The following CMTM6 variants were observed in gnomAD, a reference collection of about 807,000 sequenced individuals.
CMTM6 encodes the protein CKLF like MARVEL transmembrane domain containing 6, also known as CKLF-like MARVEL transmembrane domain-containing protein 6.
A neutral mutation model predicts 13.6 loss-of-function variants in CMTM6; 5 were observed. That is an observed-to-expected ratio of 0.37 (90% CI 0.19 to 0.77). The LOEUF is 0.77. CMTM6 is among the 30% of genes least tolerant of loss of function. The pLI is 0.50. For missense variants in CMTM6, 196 were observed against 218.6 expected (o/e 0.90, Z 0.65); for synonymous variants, 99 against 84.5 (o/e 1.17, Z -0.94).
chr3:32,485,982 A>G (rs1358688817), intron 3 of CMTM6, among the ~76,000 whole-genome samples: 1 of 152,106 alleles, frequency 6.6e-6, no homozygotes, highest in Admixed American at 6.5e-5. Context: ...GGTTCAAGCG[A>G]TTTTCCTGCC....
chr3:32,501,066 G>A (rs1241417186), intron 1 of CMTM6, among the ~76,000 whole-genome samples: 1 of 151,570 alleles, frequency 6.6e-6, no homozygotes, highest in African/African-American at 2.4e-5. Context: ...CGGGCATGGA[G>A]GTGCGTGCCT....
At position 32,502,810 on chromosome 3, in the gene CMTM6, T is replaced by A. The variant is rs1697360119; in HGVS notation, c.-65A>T. 2.9e-6 allele frequency: 4 copies of A among 1,359,718 alleles called. No individual in the cohort carries two copies. Among genetic ancestry groups the A allele is most frequent in the Admixed American group, 3.6e-5 (1 of 27,752 alleles). 84.2% of individuals were successfully genotyped at this position (1,359,718 alleles called of 1,614,324 possible). A position where few individuals can be genotyped will look rare whatever the true frequency, so the allele number is the denominator to read the frequency against. On this transcript the variant is annotated 5_prime_UTR_variant, in exon 1 of 4. Coordinates refer to ENST00000205636, the MANE Select transcript of CMTM6 (RefSeq NM_017801.3). ...CCGTTGACTTCTCGGACTCCAGAAG[T>A]CCCCGGTAGCCGGGAGGCGGCCGTC... is the stretch of plus-strand genomic sequence containing the variant.
At position 32,483,117 on chromosome 3, in the gene CMTM6, G is replaced by GGTAA; in HGVS notation, c.*839_*842dup. Reference sequence around the variant, plus strand: ...TATGAACTCATCTCTTCAGATACTTGGTAAGTGGTCAAAGCTTGTTTTTAT... The same window carrying GGTAA: ...TATGAACTCATCTCTTCAGATACTTGGTAAGTAAGTGGTCAAAGCTTGTTTTTAT... On this transcript the variant is annotated 3_prime_UTR_variant, in exon 4 of 4. Coordinates refer to ENST00000205636, the MANE Select transcript of CMTM6 (RefSeq NM_017801.3). The GGTAA allele has an allele frequency of 6.6e-6, 1 of 152,572 alleles. No individual in the cohort carries two copies. Among genetic ancestry groups the GGTAA allele is most frequent in the East Asian group, 1.9e-4 (1 of 5,204 alleles). 9.5% of individuals were successfully genotyped at this position (152,572 alleles called of 1,614,324 possible).
intron 1 of CMTM6, among the ~76,000 whole-genome samples, chr3:32,497,027 G>C (rs1029989028): frequency 6.6e-6 from 1 of 152,138 alleles, no homozygotes; most frequent in African/African-American, 2.4e-5. Flanking sequence ...ACAGTTCCGA[G>C]TGTAGGAGGG....
chr3:32,502,469 T>G (rs1697353752), intron 1 of CMTM6, 139 bp downstream of exon 1: 3 of 1,091,380 alleles, frequency 2.7e-6, no homozygotes, highest in Non-Finnish European at 3.8e-6. Flanking sequence ...TTCCCCAGGC[T>G]GAGAGGGAAG....
intron 2 of CMTM6, among the ~76,000 whole-genome samples, chr3:32,490,091 C>T (rs1307119428): frequency 6.6e-6 from 1 of 152,024 alleles, no homozygotes; most frequent in Non-Finnish European, 1.5e-5. Context: ...ACTAAAAGTA[C>T]AAAAATTTGC....
Position 32,481,517 on chromosome 3 carries a change from G to A in CMTM6, c.*2443C>T, listed in dbSNP as rs1697153215. ...TGAGTTCATTTCTCTTATAATTCTTGAGAACCATTCTAAGCAATCTATTTG... is the reference window on the plus strand; with the variant it reads ...TGAGTTCATTTCTCTTATAATTCTTAAGAACCATTCTAAGCAATCTATTTG... On this transcript the variant is annotated 3_prime_UTR_variant, in exon 4 of 4. Coordinates refer to ENST00000205636, the MANE Select transcript of CMTM6 (RefSeq NM_017801.3). 6.6e-6 allele frequency: 1 copy of A among 152,038 alleles called. No individual in the cohort carries two copies. Among genetic ancestry groups the A allele is most frequent in the Non-Finnish European group, 1.5e-5 (1 of 68,008 alleles). The allele number at this position is 152,038 out of a possible 1,614,324, so 9.4% of individuals were successfully genotyped here. A position where few individuals can be genotyped will look rare whatever the true frequency, so the allele number is the denominator to read the frequency against.
rs775655055 is a variant in CMTM6, at chr3:32,502,679, T to C, written c.67A>G (p.Ser23Gly). Reference protein sequence around the residue: ...EDPGPARGPRSGLAAYFFMGR... With the variant: ...EDPGPARGPRGGLAAYFFMGR... ...ATGAAAAAGTAGGCAGCGAGGCCGC[T>C]CCGGGGGCCTCTGGCGGGGCCCGGG... Residue 23 changes from serine to glycine, a missense_variant, in exon 1 of 4, where the codon AGC (serine) becomes GGC (glycine). By Grantham distance (56) the Ser-to-Gly change is moderately conservative. Around this residue, in one of 2 missense-constraint regions of CMTM6, gnomAD observed 85 missense variants for 58.7 expected, o/e 1.45. Transcript: ENST00000205636. The C allele has an allele frequency of 1.3e-6, 2 of 1,588,502 alleles. No individual in the cohort carries two copies. Among genetic ancestry groups the C allele is most frequent in the Non-Finnish European group, 1.7e-6 (2 of 1,169,566 alleles).
At chr3:32,493,876 G>T (rs978125406) in intron 1 of CMTM6, among the ~76,000 whole-genome samples, 13 of 152,194 alleles carry the variant, frequency 8.5e-5, no homozygotes, top group African/African-American at 3.1e-4. Context: ...AGCAAGAAAA[G>T]TTCCAGGGTA....
rs567481472 is a variant in CMTM6 at position 32,492,438 on chromosome 3, T to C, written c.139-552A>G. Among the ~76,000 whole-genome samples, 9 of 152,276 alleles carry C rather than the reference T, an allele frequency of 5.9e-5. No homozygotes were observed. The East Asian group carries it at 1.7e-3, about 29-fold the overall frequency. ...CAGCACAAAAATTAGTATATGAGGC[T>C]AGAGAGGTAAGCTGAGGCCAGATCT... is the stretch of plus-strand genomic sequence containing the variant. On this transcript the variant is annotated intron_variant, in intron 1 of 3. Coordinates refer to ENST00000205636, the MANE Select transcript of CMTM6 (RefSeq NM_017801.3).
intron 1 of CMTM6, among the ~76,000 whole-genome samples, chr3:32,501,780 C>G (rs1697347537): frequency 6.6e-6 from 1 of 152,168 alleles, no homozygotes; most frequent in Non-Finnish European, 1.5e-5. Flanking sequence ...GGTTCTATTG[C>G]AGAAATAGAA....
At position 32,496,231 on chromosome 3, in the gene CMTM6, C is replaced by T. The variant is rs116959851; in HGVS notation, c.139-4345G>A. Among the ~76,000 whole-genome samples, 323 of 149,586 alleles carry T rather than the reference C, an allele frequency of 2.2e-3. 4 individuals carry two copies. Among genetic ancestry groups the T allele is most frequent in the East Asian group, 0.013 (65 of 5,072 alleles). Reference sequence around the variant, plus strand: ...AAAAAAAAAAAAGTGTGGACATTTACTAGCTCCCATCTCAAGTTAAAGGCC... The same window carrying T: ...AAAAAAAAAAAAGTGTGGACATTTATTAGCTCCCATCTCAAGTTAAAGGCC... On this transcript the variant is annotated intron_variant, in intron 1 of 3. Coordinates refer to ENST00000205636, the MANE Select transcript of CMTM6 (RefSeq NM_017801.3).
chr3:32,484,178 C>T, intron 3 of CMTM6, 81 bp from the exon 4 acceptor site: 1 of 1,216,988 alleles, frequency 8.2e-7, no homozygotes, highest in Non-Finnish European at 1.1e-6. Flanking sequence ...GAGAATGTTT[C>T]ATATAAACAA....
At chr3:32,495,836 G>A (rs949285666) in intron 1 of CMTM6, among the ~76,000 whole-genome samples, 1 of 152,166 alleles carries the variant, frequency 6.6e-6, no homozygotes, top group East Asian at 1.9e-4. Flanking sequence ...TTGCCTCAGA[G>A]CAATAGCAGG....
chr3:32,484,028 C>T lies in CMTM6; in HGVS notation c.484G>A (p.Glu162Lys). The T allele has an allele frequency of 6.2e-7, 1 of 1,611,650 alleles. No homozygotes were observed. The change falls in exon 4 of 4, where the codon GAG becomes AAG. Residue 162 changes from glutamate (E) to lysine (K), a missense_variant. Around this residue, in one of 2 missense-constraint regions of CMTM6, gnomAD observed 111 missense variants for 160.0 expected, o/e 0.69. Transcript: ENST00000205636. ...TTTTCAGGTTTTCTCAGCTGGGACT[C>T]CTGTCGTTTTTCATACAGCATAGTG... ...FITMLYEKRQ[E>K]SQLRKPENTT...
At chr3:32,497,382 CAA>C (rs144445988) in intron 1 of CMTM6, among the ~76,000 whole-genome samples, 7 of 53,608 alleles carry the variant, frequency 1.3e-4, no homozygotes, top group Non-Finnish European at 1.5e-4. Context: ...GACTCTGTCT[CAA>C]AAAAAAAAAA....
At chr3:32,492,244 A>T (rs1187601453) in intron 1 of CMTM6, among the ~76,000 whole-genome samples, 5 of 152,196 alleles carry the variant, frequency 3.3e-5, no homozygotes, top group African/African-American at 1.2e-4. Flanking sequence ...AAGATTAAGG[A>T]AAGAAATTCC....
intron 1 of CMTM6, among the ~76,000 whole-genome samples, chr3:32,498,340 A>G (rs1697314132): frequency 6.6e-6 from 1 of 152,180 alleles, no homozygotes; most frequent in African/African-American, 2.4e-5. Flanking sequence ...CTCCCCATGA[A>G]ATACTGTTTG....
Position 32,481,635 on chromosome 3 carries a change from T to C in CMTM6, c.*2325A>G, listed in dbSNP as rs562190925. On this transcript the variant is annotated 3_prime_UTR_variant, in exon 4 of 4. Transcript: ENST00000205636. The stretch of plus-strand genomic sequence containing the variant: ...GCCATTTTTTTGTACATAACAGTGG[T>C]TTCTGGTCCCAAGTTCCCCTTGAAC... 3 of 152,210 alleles carry C rather than the reference T, an allele frequency of 2.0e-5. No homozygotes were observed. Among genetic ancestry groups the C allele is most frequent in the African/African-American group, 7.2e-5 (3 of 41,456 alleles). 9.4% of individuals were successfully genotyped at this position (152,210 alleles called of 1,614,324 possible).
Sources: allele counts gnomAD v4.1 joint callset (sites outside exome capture counted in the v4.1 genomes callset), GRCh38; gene constraint gnomAD v4.1.1; regional missense constraint gnomAD v4.1.1; transcripts MANE v1.5; gene names NCBI Gene and HGNC (gene_info 2026-07-23, HGNC 2026-07-21).